Variants in MACROD2 observed in about 807,000 individuals in gnomAD.
MACROD2 encodes the protein ADP-ribose glycohydrolase MACROD2.
MACROD2 carries 36 observed loss-of-function variants against 70.4 expected under a neutral mutation model. The observed-to-expected ratio is 0.51, with a 90% CI of 0.39 to 0.68. MACROD2 has a LOEUF of 0.68. Among genes scored for constraint, MACROD2 ranks in the 30% least tolerant of loss-of-function variants. The probability of loss-of-function intolerance (pLI) is 0.00; values close to 1 mark genes in which losing one functional copy is unlikely to be tolerated. For synonymous variants in MACROD2, 172 were observed against 178.8 expected (o/e 0.96, Z 0.30); for missense variants, 496 against 538.4 (o/e 0.92, Z 0.78).
chr20:14,023,312 T>A (rs1370877051), intron 2 of MACROD2, among the ~76,000 whole-genome samples: 1 of 152,254 alleles, frequency 6.6e-6, no homozygotes. Context: ...CTTTGTCAGA[T>A]GGATAGATTG....
At chr20:15,288,763 C>T (rs2077514367) in intron 6 of MACROD2, among the ~76,000 whole-genome samples, 1 of 152,104 alleles carries the variant, frequency 6.6e-6, no homozygotes, top group South Asian at 2.1e-4. Context: ...CCCTGGTTCT[C>T]TAGCTTGCAG....
intron 6 of MACROD2, among the ~76,000 whole-genome samples, chr20:15,285,576 T>G (rs1444480342): frequency 6.6e-6 from 1 of 152,204 alleles, no homozygotes. Context: ...TTTGCTGGTC[T>G]GTTTGATATT....
intron 3 of MACROD2, among the ~76,000 whole-genome samples, chr20:14,234,582 T>C (rs868584689): frequency 2.0e-5 from 3 of 152,366 alleles, no homozygotes; most frequent in Non-Finnish European, 1.5e-5. Flanking sequence ...GCATGCTTTT[T>C]CTATCTTCTG....
chr20:14,654,493 C>G (rs1172584093), intron 4 of MACROD2, among the ~76,000 whole-genome samples: 3 of 150,434 alleles, frequency 2.0e-5, no homozygotes, highest in Non-Finnish European at 3.0e-5. Flanking sequence ...TTGCAGTGAG[C>G]CAAAATCGTG....
Position 15,889,339 on chromosome 20 carries a change from G to A in MACROD2, c.775+3528G>A, listed in dbSNP as rs2064860466. 2.6e-5 allele frequency among the ~76,000 whole-genome samples: 4 copies of A among 152,140 alleles called. No individual in the cohort carries two copies. In the South Asian group the frequency reaches 8.3e-4, roughly 32 times the overall value. Reference sequence around the variant, plus strand: ...GTACTTTGTGCCAATAACGTGACATGCATGAACTCATTTAATAAACACAGC... The same window carrying A: ...GTACTTTGTGCCAATAACGTGACATACATGAACTCATTTAATAAACACAGC... On this transcript the variant is annotated intron_variant, in intron 10 of 17. Transcript: ENST00000684519.
At chr20:14,968,389 A>G (rs2074658034) in intron 5 of MACROD2, among the ~76,000 whole-genome samples, 1 of 152,168 alleles carries the variant, frequency 6.6e-6, no homozygotes, top group African/African-American at 2.4e-5. Context: ...TGTTAGACCA[A>G]CATCCTCAAT....
intron 6 of MACROD2, among the ~76,000 whole-genome samples, chr20:15,358,811 CTT>C (rs11471817): frequency 6.8e-6 from 1 of 146,946 alleles, no homozygotes. Flanking sequence ...GCTCTTGTTC[CTT>C]TTTTTTTTTA....
intron 5 of MACROD2, among the ~76,000 whole-genome samples, chr20:14,804,640 T>C (rs907374162): frequency 6.6e-6 from 1 of 151,914 alleles, no homozygotes; most frequent in African/African-American, 2.4e-5. Context: ...TACTGACCTG[T>C]GGTGGGGTCT....
intron 13 of MACROD2, among the ~76,000 whole-genome samples, chr20:15,981,490 C>T (rs1490085612): frequency 1.3e-5 from 2 of 152,090 alleles, no homozygotes; most frequent in East Asian, 3.9e-4. Flanking sequence ...CCATCAGGAA[C>T]TGGGTCTGTA....
intron 8 of MACROD2, among the ~76,000 whole-genome samples, chr20:15,555,321 C>T (rs571658110): frequency 6.6e-6 from 1 of 152,294 alleles, no homozygotes; most frequent in East Asian, 1.9e-4. Flanking sequence ...GATTTGAAAG[C>T]TGTCCTGCTT....
At chr20:15,710,274 G>T (rs2050607509) in intron 8 of MACROD2, among the ~76,000 whole-genome samples, 1 of 150,142 alleles carries the variant, frequency 6.7e-6, no homozygotes, top group South Asian at 2.1e-4. Flanking sequence ...TTGTGAACTA[G>T]TACAGCCATT....
At chr20:15,218,256 C>G (rs2076828011) in intron 5 of MACROD2, among the ~76,000 whole-genome samples, 1 of 152,160 alleles carries the variant, frequency 6.6e-6, no homozygotes, top group Non-Finnish European at 1.5e-5. Context: ...AACTCAGTCA[C>G]TTAGAGTCAA....
intron 4 of MACROD2, among the ~76,000 whole-genome samples, chr20:14,576,654 A>G (rs1333012763): frequency 6.6e-6 from 1 of 152,190 alleles, no homozygotes; most frequent in Admixed American, 6.5e-5. Flanking sequence ...GTCACTTCCC[A>G]GTGACATCTG....
intron 5 of MACROD2, among the ~76,000 whole-genome samples, chr20:14,772,755 T>C (rs745650750): frequency 1.3e-5 from 2 of 152,032 alleles, no homozygotes; most frequent in Non-Finnish European, 2.9e-5. Flanking sequence ...GTCAGTGCTA[T>C]TTTTCAAGAA....
chr20:14,701,606 T>G (rs2071197391), intron 5 of MACROD2, among the ~76,000 whole-genome samples: 1 of 152,310 alleles, frequency 6.6e-6, no homozygotes, highest in East Asian at 1.9e-4. Context: ...GAATGGAAAC[T>G]TTGCTGCTGC....
At chr20:16,032,212 A>G (rs1291000338) in intron 15 of MACROD2, among the ~76,000 whole-genome samples, 1 of 152,138 alleles carries the variant, frequency 6.6e-6, no homozygotes, top group African/African-American at 2.4e-5. Flanking sequence ...ATGAGCACAC[A>G]TGGAATAAAT....
intron 5 of MACROD2, among the ~76,000 whole-genome samples, chr20:14,896,294 CA>C (rs1381903937): frequency 6.6e-6 from 1 of 151,368 alleles, no homozygotes; most frequent in Non-Finnish European, 1.5e-5. Flanking sequence ...AACTCTATCT[CA>C]AAAAAATAAA....
At chr20:14,111,863 T>C (rs549144875) in intron 3 of MACROD2, among the ~76,000 whole-genome samples, 12 of 151,810 alleles carry the variant, frequency 7.9e-5, no homozygotes, top group African/African-American at 2.9e-4. Context: ...GGTATATAAC[T>C]GAAAGAAAGG....
chr20:15,493,273 G>T (rs1034011353), intron 7 of MACROD2, among the ~76,000 whole-genome samples: 1 of 152,204 alleles, frequency 6.6e-6, no homozygotes, highest in Non-Finnish European at 1.5e-5. Context: ...GCCCTGGGCA[G>T]ACTCTGAATG....
Sources: gnomAD v4.1 joint callset for allele counts (sites outside exome capture counted in the v4.1 genomes callset) on GRCh38, gnomAD v4.1.1 for gene constraint, MANE v1.5 for transcripts, NCBI Gene and HGNC (gene_info 2026-07-23, HGNC 2026-07-21) for gene names.